WNK3: variants seen among roughly 807,000 people sequenced by gnomAD.
The protein encoded by WNK3 is WNK lysine deficient protein kinase 3.
In WNK3, 18 loss-of-function variants were observed where a neutral mutation model predicts 116.7. The observed-to-expected ratio is 0.15, with a 90% confidence interval of 0.11 to 0.23. The LOEUF (loss-of-function observed/expected upper bound fraction) is 0.23. WNK3 is among the 10% of genes least tolerant of loss of function. WNK3 has a pLI of 1.00. For synonymous variants in WNK3, 404 were observed against 469.4 expected (o/e 0.86, Z 1.80); for missense variants, 993 against 1,323.8 (o/e 0.75, Z 3.88).
At chrX:54,217,114 C>T (rs1487210062) in intron 22 of WNK3, among the ~76,000 whole-genome samples, 4 of 108,251 alleles carry the variant, frequency 3.7e-5, no homozygotes, top group Non-Finnish European at 5.7e-5. Flanking sequence ...GGTCGGAGAT[C>T]GAGACCATCC....
intron 10 of WNK3, among the ~76,000 whole-genome samples, chrX:54,285,667 T>G (rs1179594320): frequency 8.9e-6 from 1 of 112,027 alleles, no homozygotes; most frequent in Non-Finnish European, 1.9e-5. Flanking sequence ...GTAACAGAGA[T>G]TATATAGCCT....
chrX:54,352,530 T>C (rs1426387546), intron 1 of WNK3, among the ~76,000 whole-genome samples: 2 of 110,722 alleles, frequency 1.8e-5, no homozygotes, highest in African/African-American at 6.6e-5. Context: ...AAAATTAGCC[T>C]GGTGTGGGGC....
exon 24 of WNK3, chrX:54,197,982 G>T: frequency 6.5e-6 from 1 of 153,669 alleles, no homozygotes; most frequent in Non-Finnish European, 1.2e-5. Context: ...GCGGGGGATG[G>T]GGAGCTTCTC....
intron 17 of WNK3, among the ~76,000 whole-genome samples, chrX:54,244,448 T>C (rs1002216344): frequency 2.7e-5 from 3 of 111,931 alleles, no homozygotes. Flanking sequence ...GAAACTGGTT[T>C]GTGGGGTTCA....
At chrX:54,195,815 T>C (rs1456640007) in exon 24 of WNK3, 4 of 111,842 alleles carry the variant, frequency 3.6e-5, no homozygotes, top group East Asian at 5.6e-4. Flanking sequence ...CCTGAAAAGA[T>C]TGTAAATATT....
chrX:54,280,950 A>T (rs912683783), intron 10 of WNK3, among the ~76,000 whole-genome samples: 5 of 108,278 alleles, frequency 4.6e-5, no homozygotes, highest in South Asian at 3.9e-4. Flanking sequence ...TTGAAAAATT[A>T]AAAAAAAAAG....
At chrX:54,205,393 G>C (rs1164923346) in intron 22 of WNK3, among the ~76,000 whole-genome samples, 1 of 111,914 alleles carries the variant, frequency 8.9e-6, no homozygotes, top group African/African-American at 3.2e-5. Flanking sequence ...GTATAACTCT[G>C]GTCTAACAAG....
chrX:54,236,401 G>A (rs1225263980), intron 20 of WNK3, among the ~76,000 whole-genome samples: 1 of 110,612 alleles, frequency 9.0e-6, no homozygotes, highest in Non-Finnish European at 1.9e-5. Context: ...GAGATTACAG[G>A]CATGCGCCAC....
intron 10 of WNK3, among the ~76,000 whole-genome samples, chrX:54,259,741 C>CT: frequency 9.0e-6 from 1 of 111,537 alleles, no homozygotes; most frequent in Non-Finnish European, 1.9e-5. Flanking sequence ...GTCTGTCTGT[C>CT]TGTCTCTCAT....
chrX:54,316,365 C>G (rs1557170959), intron 2 of WNK3, among the ~76,000 whole-genome samples: 3 of 109,213 alleles, frequency 2.7e-5, no homozygotes, highest in African/African-American at 1.0e-4. Context: ...ATGTTGGAAC[C>G]CCGTCTCTAC....
chrX:54,222,315 G>C (rs904902070), intron 22 of WNK3, among the ~76,000 whole-genome samples: 18 of 110,842 alleles, frequency 1.6e-4, no homozygotes, highest in Non-Finnish European at 3.2e-4. Context: ...AATTTGGGAG[G>C]CTGGGTAGGA....
rs113767455 is a variant in WNK3, at chrX:54,283,535, C to A, written c.2037+9353G>T. ...CTGTAATCCCAGCACTTTGGGAGGC[C>A]GAGGCGGGTGGATCACGAGGTCAGG... is the stretch of plus-strand genomic sequence containing the variant. On this transcript the variant is annotated intron_variant, in intron 10 of 23. Coordinates refer to ENST00000354646, the Ensembl canonical transcript of WNK3. 5.5e-3 allele frequency among the ~76,000 whole-genome samples: 604 copies of A among 110,492 alleles called. 4 individuals carry two copies. The highest frequency in any genetic ancestry group is 0.019 in the African/African-American group (571 of 30,527).
At chrX:54,212,907 A>G (rs2067631855) in intron 22 of WNK3, among the ~76,000 whole-genome samples, 1 of 111,694 alleles carries the variant, frequency 9.0e-6, no homozygotes, top group Non-Finnish European at 1.9e-5. Flanking sequence ...TATATATGTT[A>G]GTATACACAT....
chrX:54,325,165 T>C (rs1470046370), intron 2 of WNK3, among the ~76,000 whole-genome samples: 2 of 111,175 alleles, frequency 1.8e-5, no homozygotes, highest in East Asian at 5.6e-4. Context: ...GCCATTTTTT[T>C]CCTTTTGGTA....
intron 10 of WNK3, among the ~76,000 whole-genome samples, chrX:54,289,139 C>T (rs1269758291): frequency 9.0e-6 from 1 of 111,400 alleles, no homozygotes; most frequent in East Asian, 2.8e-4. Flanking sequence ...ACTAGATAAG[C>T]AGACTGCACG....
chrX:54,268,310 C>T (rs1212291956), intron 10 of WNK3, among the ~76,000 whole-genome samples: 1 of 110,921 alleles, frequency 9.0e-6, no homozygotes, highest in African/African-American at 3.3e-5. Context: ...AGCAATACCT[C>T]GCCTCTACAA....
intron 22 of WNK3, among the ~76,000 whole-genome samples, chrX:54,209,723 G>A (rs1031513140): frequency 9.3e-6 from 1 of 107,438 alleles, no homozygotes; most frequent in African/African-American, 3.4e-5. Flanking sequence ...GCTAGTTTTT[G>A]TATTTTTAGT....
intron 10 of WNK3, among the ~76,000 whole-genome samples, chrX:54,290,028 AC>A (rs1603391022): frequency 8.9e-6 from 1 of 111,894 alleles, no homozygotes; most frequent in Non-Finnish European, 1.9e-5. Flanking sequence ...TAATCCCAGC[AC>A]TTTGGGAGGC....
At chrX:54,210,030 C>T (rs113063486) in intron 22 of WNK3, among the ~76,000 whole-genome samples, 2 of 111,785 alleles carry the variant, frequency 1.8e-5, no homozygotes, top group Non-Finnish European at 1.9e-5. Flanking sequence ...CCATGTAACA[C>T]CTATTAACTC....
Sources: allele counts gnomAD v4.1 joint callset (sites outside exome capture counted in the v4.1 genomes callset), GRCh38; gene constraint gnomAD v4.1.1; transcripts MANE v1.5; gene names NCBI Gene and HGNC (gene_info 2026-07-23, HGNC 2026-07-21).